Variants in TCFL5 observed in about 807,000 individuals in gnomAD.
TCFL5 encodes transcription factor-like 5 protein.
A neutral mutation model predicts 44.3 loss-of-function variants in TCFL5; 9 were observed. That is an observed-to-expected ratio of 0.20 (90% CI 0.12 to 0.35). TCFL5 has a LOEUF of 0.35. Ranked by LOEUF, TCFL5 falls within the 10% of genes least tolerant of loss-of-function variation. The probability of loss-of-function intolerance (pLI) is 1.00; values close to 1 mark genes in which losing one functional copy is unlikely to be tolerated. For missense variants in TCFL5, 603 were observed against 613.4 expected (o/e 0.98, Z 0.18); for synonymous variants, 319 against 271.6 (o/e 1.17, Z -1.72).
intron 5 of TCFL5, among the ~76,000 whole-genome samples, chr20:62,851,135 G>C (rs2063804640): frequency 6.6e-6 from 1 of 152,146 alleles, no homozygotes; most frequent in Non-Finnish European, 1.5e-5. Context: ...ACAAAAATAT[G>C]CATCCAAGTA....
chr20:62,847,775 C>T (rs1045205839), intron 5 of TCFL5, among the ~76,000 whole-genome samples: 2 of 152,136 alleles, frequency 1.3e-5, no homozygotes, highest in African/African-American at 4.8e-5. Flanking sequence ...TGTGGGAGGC[C>T]GAGGCGGGCG....
Position 62,861,379 on chromosome 20 carries a change from C to G in TCFL5, c.292G>C (p.Gly98Arg). 9.3e-7 allele frequency: 1 copy of G among 1,073,322 alleles called. No individual in the cohort carries two copies. Among genetic ancestry groups the G allele is most frequent in the Non-Finnish European group, 1.1e-6 (1 of 890,784 alleles). The allele number at this position is 1,073,322 out of a possible 1,614,324, so 66.5% of individuals were successfully genotyped here. ...TACACGGGCGCCGCGCCCCCCTGAC[C>G]GCCCGCCGCGAAGCCGCCCGCGCCT... is the stretch of plus-strand genomic sequence containing the variant. Reference protein sequence around the residue: ...GAGAGGFAAGGQGGAAPVYPV... With the variant: ...GAGAGGFAAGRQGGAAPVYPV... The change falls in exon 1 of 6, where the codon GGT (glycine) becomes CGT (arginine). Residue 98 changes from glycine to arginine, a missense_variant. By Grantham distance (125) the Gly-to-Arg change is moderately radical. Transcript: ENST00000335351. The surrounding 1 kb of genome is among the most constrained non-coding windows in gnomAD (Gnocchi z 4.0).
intron 5 of TCFL5, chr20:62,845,589 G>C (rs1293307739): frequency 6.5e-7 from 1 of 1,545,612 alleles, no homozygotes; most frequent in Non-Finnish European, 8.8e-7. Context: ...GCCTGGGCCG[G>C]CTCCGGAGAA....
Position 62,841,384 on chromosome 20 carries a change from G to GTAT in TCFL5, c.*588_*590dup, listed in dbSNP as rs1396158739. On this transcript the variant is annotated 3_prime_UTR_variant, in exon 6 of 6. Coordinates refer to ENST00000335351, the MANE Select transcript of TCFL5 (RefSeq NM_006602.4). ...TGGCATTTAAGCGTCTACTGTGACAGTATTTCATTTGTGGACAAAAGTAGC... is the reference window on the plus strand; with the variant it reads ...TGGCATTTAAGCGTCTACTGTGACAGTATTATTTCATTTGTGGACAAAAGTAGC... 2 of 153,918 alleles carry GTAT rather than the reference G, an allele frequency of 1.3e-5. No homozygotes were observed. Among genetic ancestry groups the GTAT allele is most frequent in the African/African-American group, 4.8e-5 (2 of 41,456 alleles). The allele number at this position is 153,918 out of a possible 1,614,324, so 9.5% of individuals were successfully genotyped here.
chr20:62,860,312 C>T lies in TCFL5; in HGVS notation c.648-4G>A, dbSNP rs1303548211. 1 of 1,600,990 alleles carries T rather than the reference C, an allele frequency of 6.2e-7. No individual in the cohort carries two copies. Among genetic ancestry groups the T allele is most frequent in the African/African-American group, 1.3e-5 (1 of 74,722 alleles). ...ATGTCGAATGAGAGTTACCAAACTG[C>T]CAAGACAAAAGAAAGCCCAGAAGTG... On this transcript the variant is annotated splice_polypyrimidine_tract_variant and splice_region_variant and intron_variant, in intron 1 of 5. Coordinates refer to ENST00000335351, the MANE Select transcript of TCFL5 (RefSeq NM_006602.4).
rs76870682 is a variant in TCFL5, at chr20:62,850,313, C to T, written c.1380+3703G>A. Reference sequence around the variant, plus strand: ...ACAGAAGTGAATCACTGATGGCTGACGCCGCCCTGCCCTCACCCCATACTT... The same window carrying T: ...ACAGAAGTGAATCACTGATGGCTGATGCCGCCCTGCCCTCACCCCATACTT... On this transcript the variant is annotated intron_variant, in intron 5 of 5. Coordinates refer to ENST00000335351, the MANE Select transcript of TCFL5 (RefSeq NM_006602.4). Among the ~76,000 whole-genome samples, 1,047 of 152,200 alleles carry T rather than the reference C, an allele frequency of 6.9e-3. 32 individuals carry two copies. Among genetic ancestry groups the T allele is most frequent in the Admixed American group, 0.037 (564 of 15,294 alleles).
intron 5 of TCFL5, among the ~76,000 whole-genome samples, chr20:62,847,526 AG>A (rs1160742666): frequency 6.6e-6 from 1 of 152,240 alleles, no homozygotes; most frequent in African/African-American, 2.4e-5. Context: ...CAGACCAAGG[AG>A]CTCAGGTGGC....
intron 5 of TCFL5, among the ~76,000 whole-genome samples, chr20:62,853,708 T>A (rs6010767): frequency 0.4 from 60,633 of 151,980 alleles, 14,246 homozygotes; most frequent in African/African-American, 0.67. Flanking sequence ...TGAGGGCAAA[T>A]ATCATGTCCT....
chr20:62,860,940 G>A (rs1302583718), intron 1 of TCFL5, 84 bp downstream of exon 1: 2 of 949,860 alleles, frequency 2.1e-6, no homozygotes, highest in African/African-American at 3.6e-5. Flanking sequence ...GCACAGCGAG[G>A]GCCCCCTTTG....
At chr20:62,858,635 G>A (rs1056555287) in intron 3 of TCFL5, among the ~76,000 whole-genome samples, 11 of 145,870 alleles carry the variant, frequency 7.5e-5, no homozygotes, top group African/African-American at 2.3e-4. Context: ...AAGGGGCTAC[G>A]CAGGTGTTTC....
At chr20:62,850,936 C>T (rs1215358306) in intron 5 of TCFL5, among the ~76,000 whole-genome samples, 2 of 152,188 alleles carry the variant, frequency 1.3e-5, no homozygotes, top group Non-Finnish European at 2.9e-5. Flanking sequence ...CCGCAAGGCC[C>T]TGCTCCCACT....
chr20:62,843,976 T>C (rs1210295197), intron 5 of TCFL5, among the ~76,000 whole-genome samples: 1 of 152,232 alleles, frequency 6.6e-6, no homozygotes, highest in African/African-American at 2.4e-5. Flanking sequence ...ACACATTTGT[T>C]TACTCATTCC....
chr20:62,859,151 C>T (rs1295506655), intron 3 of TCFL5, among the ~76,000 whole-genome samples: 1 of 152,234 alleles, frequency 6.6e-6, no homozygotes, highest in Non-Finnish European at 1.5e-5. Flanking sequence ...AACGTTCTCA[C>T]ACCAAGATTA....
Position 62,845,256 on chromosome 20 carries a change from G to A in TCFL5, c.1381-3159C>T, listed in dbSNP as rs578120680. On this transcript the variant is annotated intron_variant, in intron 5 of 5. Coordinates refer to ENST00000335351, the MANE Select transcript of TCFL5 (RefSeq NM_006602.4). ...CCCACCTCAGCCTCCTGAGTAGCTG[G>A]GATTACAGGCATGTACCACCACGCC... is the stretch of plus-strand genomic sequence containing the variant. 109 of 775,230 alleles carry A rather than the reference G, an allele frequency of 1.4e-4. No individual in the cohort carries two copies. In the South Asian group the frequency reaches 4.5e-3, roughly 32 times the overall value. 48.0% of individuals were successfully genotyped at this position (775,230 alleles called of 1,614,324 possible).
rs2063949100 is a variant in TCFL5 at position 62,859,378 on chromosome 20, C to A, written c.980G>T (p.Trp327Leu). The change falls in exon 3 of 6, where the codon TGG (tryptophan) becomes TTG (leucine). Residue 327 changes from tryptophan (W) to leucine (L), a missense_variant. Coordinates refer to ENST00000335351, the MANE Select transcript of TCFL5 (RefSeq NM_006602.4). The part of the protein sequence containing the change: ...SRNKVLPEQV[W>L]IKVGEAALCK... ...TCATCGCTTACCTCCCACTTTAATC[C>A]AAACTTGCTCAGGCAAAACTTTGTT... 3 of 1,606,414 alleles carry A rather than the reference C, an allele frequency of 1.9e-6. No individual in the cohort carries two copies. Among genetic ancestry groups the A allele is most frequent in the Admixed American group, 1.7e-5 (1 of 59,108 alleles).
At position 62,859,999 on chromosome 20, in the gene TCFL5, G is replaced by A. The variant is rs1041993668; in HGVS notation, c.831+126C>T. On this transcript the variant is annotated intron_variant, in intron 2 of 5. Transcript: ENST00000335351. ...GCTGGGATTACAGGTGTCGGCCTTG[G>A]CGCCCGGCTTAAAAGGTTATTAAGC... is the stretch of plus-strand genomic sequence containing the variant. The A allele has an allele frequency of 2.5e-5, 24 of 973,118 alleles. No individual in the cohort carries two copies. The African/African-American group carries it at 3.1e-4, about 13-fold the overall frequency. The allele number at this position is 973,118 out of a possible 1,614,324, so 60.3% of individuals were successfully genotyped here. A position where few individuals can be genotyped will look rare whatever the true frequency, so the allele number is the denominator to read the frequency against.
Position 62,861,128 on chromosome 20 carries a change from C to T in TCFL5, c.543G>A (p.Pro181=), listed in dbSNP as rs998906061. ...GGTCCTCCAGGCGGACGCGCACGGC[C>T]GGCTTGGCCCGGGCCTCGGGCGCGC... The part of the protein sequence containing the change: ...PDGAPEARAK[P]AVRVRLEDRF... Residue 181 remains proline, a synonymous_variant, in exon 1 of 6, where the codon CCG becomes CCA. Coordinates refer to ENST00000335351, the MANE Select transcript of TCFL5 (RefSeq NM_006602.4). This position sits in a 1 kb window ranked among gnomAD's most constrained non-coding sequence, Gnocchi z 4.0. 9 of 1,000,272 alleles carry T rather than the reference C, an allele frequency of 9.0e-6. No individual in the cohort carries two copies. In the African/African-American group the frequency reaches 1.6e-4, roughly 18 times the overall value. The allele number at this position is 1,000,272 out of a possible 1,614,324, so 62.0% of individuals were successfully genotyped here.
At position 62,861,608 on chromosome 20, in the gene TCFL5, G is replaced by C; in HGVS notation, c.63C>G (p.Ala21=). 3 of 1,022,776 alleles carry C rather than the reference G, an allele frequency of 2.9e-6. No homozygotes were observed. Among genetic ancestry groups the C allele is most frequent in the Non-Finnish European group, 2.3e-6 (2 of 855,816 alleles). 63.4% of individuals were successfully genotyped at this position (1,022,776 alleles called of 1,614,324 possible). A position where few individuals can be genotyped will look rare whatever the true frequency, so the allele number is the denominator to read the frequency against. ...PEAGAAGGEA[A]VEGAGGGDAA... ...CGTCCCCGCCGCCCGCGCCCTCGAC[G>C]GCCGCCTCGCCGCCTGCCGCGCCTG... Residue 21 remains alanine (A), a synonymous_variant, in exon 1 of 6, where the codon GCC becomes GCG. Coordinates refer to ENST00000335351, the MANE Select transcript of TCFL5 (RefSeq NM_006602.4). This position sits in a 1 kb window ranked among gnomAD's most constrained non-coding sequence, Gnocchi z 4.0.
chr20:62,861,361 GCGCCGCGCCCCCCTGACCGCC>G lies in TCFL5; in HGVS notation c.289_309del (p.Gly97_Ala103del). 9.4e-7 allele frequency: 1 copy of G among 1,066,778 alleles called. No homozygotes were observed. The highest frequency in any genetic ancestry group is 1.1e-6 in the Non-Finnish European group (1 of 885,706). The allele number at this position is 1,066,778 out of a possible 1,614,324, so 66.1% of individuals were successfully genotyped here. A position where few individuals can be genotyped will look rare whatever the true frequency, so the allele number is the denominator to read the frequency against. ...GACGGGCACAGCACGGGGTACACGG[GCGCCGCGCCCCCCTGACCGCC>G]CGCCGCGAAGCCGCCCGCGCCTGCG... is the stretch of plus-strand genomic sequence containing the variant. On this transcript the variant is annotated inframe_deletion, in exon 1 of 6. Transcript: ENST00000335351. The surrounding 1 kb of genome is among the most constrained non-coding windows in gnomAD (Gnocchi z 4.0).
Sources: allele counts gnomAD v4.1 joint callset (sites outside exome capture counted in the v4.1 genomes callset), GRCh38; gene constraint gnomAD v4.1.1; non-coding constraint Gnocchi (gnomAD v3.1); transcripts MANE v1.5; gene names NCBI Gene and HGNC (gene_info 2026-07-23, HGNC 2026-07-21).